The following HIVEP2 variants were observed in gnomAD, a reference collection of about 807,000 sequenced individuals.
The protein encoded by HIVEP2 is transcription factor HIVEP2.
A neutral mutation model predicts 180.7 loss-of-function variants in HIVEP2; 14 were observed. The observed-to-expected ratio is 0.08, with a 90% CI of 0.05 to 0.12. HIVEP2 has a LOEUF of 0.12. HIVEP2 is among the 10% of genes least tolerant of loss of function. The probability of loss-of-function intolerance (pLI) is 1.00; values close to 1 mark genes in which losing one functional copy is unlikely to be tolerated. For synonymous variants in HIVEP2, 1,184 were observed against 1,136.4 expected (o/e 1.04, Z -0.84); for missense variants, 2,579 against 3,008.5 (o/e 0.86, Z 3.34).
At chr6:142,808,161 C>T (rs1004780122) in intron 2 of HIVEP2, among the ~76,000 whole-genome samples, 2 of 152,186 alleles carry the variant, frequency 1.3e-5, no homozygotes, top group Non-Finnish European at 2.9e-5. Context: ...CATCTTTATG[C>T]CTTTGCTCAG....
chr6:142,758,664 A>G (rs1323117699), intron 9 of HIVEP2, among the ~76,000 whole-genome samples: 4 of 125,104 alleles, frequency 3.2e-5, no homozygotes, highest in African/African-American at 1.0e-4. Context: ...GAGACATCAC[A>G]GTCTACTGAG....
intron 1 of HIVEP2, among the ~76,000 whole-genome samples, chr6:142,883,119 T>C (rs1776612643): frequency 6.6e-6 from 1 of 152,024 alleles, no homozygotes; most frequent in African/African-American, 2.4e-5. Flanking sequence ...CACATCATCA[T>C]ACACGGATAG....
intron 1 of HIVEP2, among the ~76,000 whole-genome samples, chr6:142,917,818 C>T (rs555912383): frequency 9.2e-5 from 14 of 152,232 alleles, no homozygotes; most frequent in African/African-American, 3.1e-4. Context: ...CTCTGTTGCC[C>T]AGGCTACAGC....
chr6:142,833,457 A>G (rs1245386611), intron 2 of HIVEP2, among the ~76,000 whole-genome samples: 1 of 152,176 alleles, frequency 6.6e-6, no homozygotes, highest in Non-Finnish European at 1.5e-5. Context: ...GGAAGGATAG[A>G]CAGAAGGAAA....
At chr6:142,869,366 A>G (rs1420272999) in intron 1 of HIVEP2, among the ~76,000 whole-genome samples, 1 of 152,240 alleles carries the variant, frequency 6.6e-6, no homozygotes, top group Non-Finnish European at 1.5e-5. Flanking sequence ...CCATAAAAAC[A>G]AATTCATTTG....
intron 2 of HIVEP2, among the ~76,000 whole-genome samples, chr6:142,835,875 A>T (rs1775208479): frequency 6.6e-6 from 1 of 152,226 alleles, no homozygotes; most frequent in Non-Finnish European, 1.5e-5. Flanking sequence ...GGCACTACAT[A>T]AACTACAACG....
At chr6:142,927,821 A>C (rs1023418470) in intron 1 of HIVEP2, among the ~76,000 whole-genome samples, 3 of 152,256 alleles carry the variant, frequency 2.0e-5, no homozygotes, top group African/African-American at 7.2e-5. Context: ...GTAATTGTAG[A>C]GAAGCTGTGG....
chr6:142,863,690 C>T (rs1410735413), intron 1 of HIVEP2, among the ~76,000 whole-genome samples: 3 of 152,122 alleles, frequency 2.0e-5, no homozygotes, highest in Non-Finnish European at 4.4e-5. Flanking sequence ...ATACCAAAAT[C>T]TTCACAATAC....
intron 2 of HIVEP2, among the ~76,000 whole-genome samples, chr6:142,789,114 A>G (rs1030163510): frequency 1.3e-5 from 2 of 152,236 alleles, no homozygotes; most frequent in African/African-American, 2.4e-5. Flanking sequence ...AGTTAATACA[A>G]TCTTATGGTT....
At chr6:142,805,346 C>CT (rs1199917676) in intron 2 of HIVEP2, among the ~76,000 whole-genome samples, 1 of 139,134 alleles carries the variant, frequency 7.2e-6, no homozygotes. Context: ...AAGGAACCCC[C>CT]CAGCTCCTCT....
chr6:142,820,607 C>T (rs1777007890), intron 2 of HIVEP2, among the ~76,000 whole-genome samples: 1 of 152,184 alleles, frequency 6.6e-6, no homozygotes, highest in Non-Finnish European at 1.5e-5. Context: ...ATTAGTCAAT[C>T]ACAGACGCTA....
chr6:142,905,157 T>C (rs767689631), intron 1 of HIVEP2, among the ~76,000 whole-genome samples: 1 of 152,202 alleles, frequency 6.6e-6, no homozygotes, highest in Non-Finnish European at 1.5e-5. Context: ...GGAAGACATA[T>C]TGAATTCCCA....
chr6:142,841,913 G>C (rs535542593), intron 1 of HIVEP2, among the ~76,000 whole-genome samples: 1 of 152,214 alleles, frequency 6.6e-6, no homozygotes, highest in South Asian at 2.1e-4. Context: ...TTCCTCACAA[G>C]GTTCCCTAAA....
At chr6:142,847,627 A>G (rs1213173881) in intron 1 of HIVEP2, among the ~76,000 whole-genome samples, 1 of 152,204 alleles carries the variant, frequency 6.6e-6, no homozygotes, top group Non-Finnish European at 1.5e-5. Context: ...TTTGAAGAGT[A>G]ACAATAAATA....
intron 1 of HIVEP2, among the ~76,000 whole-genome samples, chr6:142,837,642 T>C (rs1775257450): frequency 6.6e-6 from 1 of 152,088 alleles, no homozygotes; most frequent in Admixed American, 6.6e-5. Context: ...GACTCACAAA[T>C]AGCTTAATTA....
At chr6:142,927,201 C>T (rs1777840793) in intron 1 of HIVEP2, among the ~76,000 whole-genome samples, 1 of 152,182 alleles carries the variant, frequency 6.6e-6, no homozygotes, top group South Asian at 2.1e-4. Context: ...GGCTGCCCTC[C>T]TCCACCGCCT....
At chr6:142,931,091 T>A (rs1777933662) in intron 1 of HIVEP2, among the ~76,000 whole-genome samples, 1 of 152,174 alleles carries the variant, frequency 6.6e-6, no homozygotes, top group Non-Finnish European at 1.5e-5. Context: ...CTATCAAATA[T>A]GTGACCATTT....
At chr6:142,913,835 C>G (rs1460507150) in intron 1 of HIVEP2, among the ~76,000 whole-genome samples, 1 of 152,170 alleles carries the variant, frequency 6.6e-6, no homozygotes, top group Non-Finnish European at 1.5e-5. Context: ...TCTTCATCGT[C>G]AACATTCCAG....
At chr6:142,922,407 C>T (rs1202920524) in intron 1 of HIVEP2, among the ~76,000 whole-genome samples, 1 of 152,210 alleles carries the variant, frequency 6.6e-6, no homozygotes, top group African/African-American at 2.4e-5. Flanking sequence ...GATAGCAACA[C>T]AAGCTCTCAA....
Sources: gnomAD v4.1 joint callset for allele counts (sites outside exome capture counted in the v4.1 genomes callset) on GRCh38, gnomAD v4.1.1 for gene constraint, MANE v1.5 for transcripts, NCBI Gene and HGNC (gene_info 2026-07-23, HGNC 2026-07-21) for gene names.